The following NUP155 variants were observed in gnomAD, a reference collection of about 807,000 sequenced individuals.
NUP155 encodes the protein nuclear pore complex protein Nup155.
A neutral mutation model predicts 180.4 loss-of-function variants in NUP155; 71 were observed. That is an observed-to-expected ratio of 0.39 (90% confidence interval 0.33 to 0.48). The LOEUF is 0.48. Among genes scored for constraint, NUP155 ranks in the 20% least tolerant of loss-of-function variants. The pLI is 0.91. For synonymous variants in NUP155, 582 were observed against 559.5 expected (o/e 1.04, Z -0.57); for missense variants, 1,553 against 1,648.9 (o/e 0.94, Z 1.01).
chr5:37,359,329 C>T (rs1000299909), intron 3 of NUP155, among the ~76,000 whole-genome samples: 5 of 151,884 alleles, frequency 3.3e-5, no homozygotes, highest in African/African-American at 2.4e-5. Context: ...AAATGCTGCT[C>T]CCCATTCCAA....
Position 37,304,747 on chromosome 5 carries a change from G to C in NUP155, c.3154C>G (p.Leu1052Val), listed in dbSNP as rs764736632. 6.2e-7 allele frequency: 1 copy of C among 1,603,332 alleles called. No homozygotes were observed. The highest frequency in any genetic ancestry group is 1.3e-5 in the African/African-American group (1 of 74,664). Residue 1052 changes from leucine to valine, a missense_variant, in exon 27 of 35, where the codon CTG (leucine) becomes GTG (valine). Physicochemically the swap from Leu to Val is conservative, Grantham distance 32. Transcript: ENST00000231498. ...WLIQVDLADK[L>V]LQVASPFLEP... ...AATAAAAAAAGATTTACCTGTAGCA[G>C]CTTATCTGCAAGGTCGACTTGTATT...
intron 20 of NUP155, 36 bp from the exon 21 acceptor site, chr5:37,318,121 C>T (rs1403407962): frequency 9.0e-7 from 1 of 1,113,340 alleles, no homozygotes; most frequent in East Asian, 2.3e-5. Context: ...GTGTTTATAA[C>T]AGCTTTATTG....
chr5:37,345,766 C>G (rs752959132), intron 9 of NUP155, among the ~76,000 whole-genome samples: 34 of 151,542 alleles, frequency 2.2e-4, no homozygotes, highest in Non-Finnish European at 3.8e-4. Context: ...TAGCCAGGCA[C>G]AGTGGTGCGC....
chr5:37,335,543 ATTTGT>A (rs1326858570), intron 12 of NUP155, among the ~76,000 whole-genome samples: 1 of 152,138 alleles, frequency 6.6e-6, no homozygotes, highest in Non-Finnish European at 1.5e-5. Flanking sequence ...CTTTCTGTAT[ATTTGT>A]TTTATTGTAC....
At chr5:37,330,204 A>G in intron 14 of NUP155, 72 bp from the exon 15 acceptor site, 1 of 1,029,764 alleles carries the variant, frequency 9.7e-7, no homozygotes, top group South Asian at 1.4e-5. Context: ...TGCTAGATGC[A>G]GTATTAAAGT....
At position 37,328,395 on chromosome 5, in the gene NUP155, G is replaced by A. The variant is rs1280833827; in HGVS notation, c.1839C>T (p.Pro613=). The stretch of plus-strand genomic sequence containing the variant: ...TTCCCAAAAAGGATGGATTTGGATA[G>A]GGACTACCACTAGGAACAGGAGAAC... ...YSSSPVPSGS[P]YPNPSFLGTP... The change falls in exon 17 of 35, where the codon CCC becomes CCT. Residue 613 remains proline, a synonymous_variant. Transcript: ENST00000231498. The A allele has an allele frequency of 1.2e-6, 2 of 1,608,754 alleles. No homozygotes were observed. The highest frequency in any genetic ancestry group is 2.2e-5 in the East Asian group (1 of 44,854).
At chr5:37,361,920 G>A (rs1747248542) in intron 3 of NUP155, among the ~76,000 whole-genome samples, 1 of 152,130 alleles carries the variant, frequency 6.6e-6, no homozygotes, top group African/African-American at 2.4e-5. Context: ...TATATCTCAT[G>A]AATGGGATTA....
chr5:37,365,713 G>GAAAA (rs869240751), intron 1 of NUP155, among the ~76,000 whole-genome samples: 1 of 22,660 alleles, frequency 4.4e-5, no homozygotes, highest in African/African-American at 2.1e-4. Flanking sequence ...GTCTCGGGGA[G>GAAAA]AAAAAAAAAA....
chr5:37,329,834 G>A (rs1346798600), intron 15 of NUP155, among the ~76,000 whole-genome samples: 1 of 152,134 alleles, frequency 6.6e-6, no homozygotes, highest in African/African-American at 2.4e-5. Flanking sequence ...CAGAGTTAAA[G>A]TAATAATGCA....
At chr5:37,355,573 G>T (rs200364934) in intron 4 of NUP155, among the ~76,000 whole-genome samples, 1 of 148,006 alleles carries the variant, frequency 6.8e-6, no homozygotes, top group Admixed American at 6.8e-5. Flanking sequence ...TTATTTATTT[G>T]TTTGTTTGTT....
chr5:37,369,260 G>T (rs978321407), intron 1 of NUP155, among the ~76,000 whole-genome samples: 2 of 151,836 alleles, frequency 1.3e-5, no homozygotes, highest in African/African-American at 4.8e-5. Context: ...CAAAAAAAAA[G>T]AACAAGAAAA....
In NUP155 at chr5:37,314,329, CTAA is replaced by C. The variant is rs1743732465; in HGVS notation, c.2306-4_2306-2del. On this transcript the variant is annotated splice_acceptor_variant and splice_polypyrimidine_tract_variant and intron_variant, in intron 21 of 34. Transcript: ENST00000231498. LOFTEE classifies it high-confidence loss of function. The stretch of plus-strand genomic sequence containing the variant: ...GAAATCTTTTCACTTAGTTGAGCCT[CTAA>C]TGAGAAAACAAAATAAATTATTATA... 1.3e-6 allele frequency: 2 copies of C among 1,597,432 alleles called. No homozygotes were observed. The highest frequency in any genetic ancestry group is 1.1e-5 in the South Asian group (1 of 89,222).
chr5:37,298,162 T>TGGAA (rs1742686258), intron 32 of NUP155, among the ~76,000 whole-genome samples: 1 of 150,972 alleles, frequency 6.6e-6, no homozygotes. Context: ...TGCTTGAACC[T>TGGAA]GGAAGGCAGA....
intron 1 of NUP155, among the ~76,000 whole-genome samples, chr5:37,366,781 AG>A (rs1188328646): frequency 6.6e-6 from 1 of 151,714 alleles, no homozygotes; most frequent in Non-Finnish European, 1.5e-5. Context: ...CCTCCCAAGT[AG>A]CTGGGACTAC....
intron 1 of NUP155, among the ~76,000 whole-genome samples, chr5:37,365,752 T>TATATATATATATACACACAC (rs1403169370): frequency 2.6e-5 from 1 of 37,898 alleles, no homozygotes; most frequent in African/African-American, 1.1e-4. Context: ...TATATATATA[T>TATATATATATATACACACAC]ACACACACAC....
Position 37,294,400 on chromosome 5 carries a change from G to T in NUP155, c.3859C>A (p.Gln1287Lys). The part of the protein sequence containing the change: ...TLNWDVGFVI[Q>K]TMNEIGVPLP... The stretch of plus-strand genomic sequence containing the variant: ...GGTACTCCAATTTCATTCATTGTCT[G>T]TATTACGAAGCCCACATCCCAGTTC... The change falls in exon 33 of 35, where the codon CAG (glutamine) becomes AAG (lysine). Residue 1287 changes from glutamine to lysine, a missense_variant. Physicochemically the swap from Gln to Lys is moderately conservative, Grantham distance 53. Transcript: ENST00000231498. The T allele has an allele frequency of 6.2e-7, 1 of 1,609,986 alleles. No individual in the cohort carries two copies.
intron 34 of NUP155, among the ~76,000 whole-genome samples, chr5:37,292,619 T>C (rs781529422): frequency 2.0e-5 from 3 of 152,120 alleles, no homozygotes; most frequent in Non-Finnish European, 2.9e-5. Context: ...AAAGACATAA[T>C]TGAAATGTTT....
At chr5:37,310,441 A>T in intron 23 of NUP155, 111 bp downstream of exon 23, 1 of 781,444 alleles carries the variant, frequency 1.3e-6, no homozygotes, top group South Asian at 1.7e-5. Context: ...TGAGGCTAGG[A>T]GAGGTTAAGA....
intron 12 of NUP155, among the ~76,000 whole-genome samples, chr5:37,334,626 C>T (rs982705951): frequency 1.5e-4 from 23 of 152,154 alleles, no homozygotes; most frequent in Admixed American, 3.9e-4. Flanking sequence ...GGTGATCTGC[C>T]TGCCTTGGCC....
Sources: allele counts gnomAD v4.1 joint callset (sites outside exome capture counted in the v4.1 genomes callset), GRCh38; gene constraint gnomAD v4.1.1; transcripts MANE v1.5; gene names NCBI Gene and HGNC (gene_info 2026-07-23, HGNC 2026-07-21).